Variants in WDR72 observed in about 807,000 individuals in gnomAD.
The protein encoded by WDR72 is WD repeat-containing protein 72.
A neutral mutation model predicts 124.2 loss-of-function variants in WDR72; 120 were observed. The observed-to-expected ratio is 0.97, with a 90% CI of 0.83 to 1.12. The LOEUF is 1.12. WDR72 is among the 50% of genes most tolerant of loss of function. WDR72 has a pLI of 0.00. For missense variants in WDR72, 1,387 were observed against 1,278.8 expected, an observed-to-expected ratio of 1.08 and a Z score of -1.29; for synonymous variants, 452 against 441.7, an observed-to-expected ratio of 1.02 and a Z score of -0.29.
At chr15:53,736,353 A>C (rs2018353474) in intron 1 of WDR72, among the ~76,000 whole-genome samples, 1 of 152,110 alleles carries the variant, frequency 6.6e-6, no homozygotes, top group Non-Finnish European at 1.5e-5. Context: ...GCTGCATGTA[A>C]GGTGCAGCCT....
chr15:53,565,772 A>AG (rs1234562884), intron 18 of WDR72, among the ~76,000 whole-genome samples: 1 of 151,706 alleles, frequency 6.6e-6, no homozygotes, highest in Non-Finnish European at 1.5e-5. Context: ...TGAATTAAAA[A>AG]AAAAACAGAA....
chr15:53,539,783 T>C (rs1429194456), intron 18 of WDR72, among the ~76,000 whole-genome samples: 1 of 152,116 alleles, frequency 6.6e-6, no homozygotes, highest in Admixed American at 6.5e-5. Flanking sequence ...TGTGTCTATG[T>C]ACAAACTTAC....
chr15:53,560,661 A>G (rs1894094186), intron 18 of WDR72, among the ~76,000 whole-genome samples: 1 of 151,878 alleles, frequency 6.6e-6, no homozygotes, highest in African/African-American at 2.4e-5. Context: ...ATAACTTTGG[A>G]AGTCTAGTTT....
At chr15:53,652,390 C>T (rs933074984) in intron 14 of WDR72, among the ~76,000 whole-genome samples, 1 of 152,130 alleles carries the variant, frequency 6.6e-6, no homozygotes. Context: ...GCCCTCTCTT[C>T]TCCTCTGATG....
At chr15:53,604,193 T>G (rs966979581) in intron 17 of WDR72, among the ~76,000 whole-genome samples, 4 of 152,154 alleles carry the variant, frequency 2.6e-5, no homozygotes, top group South Asian at 2.1e-4. Flanking sequence ...TAAAACTATC[T>G]GATCTTTGGT....
Position 53,575,026 on chromosome 15 carries a change from C to T in WDR72, c.3148+22053G>A, listed in dbSNP as rs80304977. On this transcript the variant is annotated intron_variant, in intron 18 of 19. Coordinates refer to ENST00000360509, the MANE Select transcript of WDR72 (RefSeq NM_182758.4). ...AACACAACACACACACACACACACA[C>T]ACACACACACACACATTTAAAATGT... Among the ~76,000 whole-genome samples the T allele has an allele frequency of 3.1e-3, 467 of 151,728 alleles. 5 individuals are homozygous for T. The highest frequency in any genetic ancestry group is 6.1e-3 in the Non-Finnish European group (413 of 67,866).
intron 18 of WDR72, among the ~76,000 whole-genome samples, chr15:53,578,176 T>C (rs963866545): frequency 1.3e-5 from 2 of 152,152 alleles, no homozygotes. Context: ...GATATAATAG[T>C]GAGCAAGTTA....
chr15:53,564,956 C>T (rs1051476843), intron 18 of WDR72, among the ~76,000 whole-genome samples: 9 of 151,796 alleles, frequency 5.9e-5, no homozygotes, highest in Non-Finnish European at 8.8e-5. Context: ...CTAATATGTC[C>T]TCCAGATAAT....
At chr15:53,668,960 A>AG (rs1364936295) in intron 13 of WDR72, among the ~76,000 whole-genome samples, 22 of 22,886 alleles carry the variant, frequency 9.6e-4, no homozygotes, top group South Asian at 7.4e-3. Context: ...GAGGAGGAGG[A>AG]GAAGGAGGAG....
At chr15:53,743,456 T>C (rs2018561680) in intron 1 of WDR72, among the ~76,000 whole-genome samples, 1 of 152,198 alleles carries the variant, frequency 6.6e-6, no homozygotes, top group Non-Finnish European at 1.5e-5. Context: ...CTACCTTTTA[T>C]AGTTAATAAA....
At chr15:53,608,339 T>TA (rs753660746) in intron 17 of WDR72, among the ~76,000 whole-genome samples, 25 of 152,056 alleles carry the variant, frequency 1.6e-4, no homozygotes, top group African/African-American at 4.8e-4. Context: ...TATTCAGTTA[T>TA]AAAAAAAATG....
intron 18 of WDR72, among the ~76,000 whole-genome samples, chr15:53,585,731 GGTGA>G (rs2140323603): frequency 6.6e-6 from 1 of 152,088 alleles, no homozygotes; most frequent in African/African-American, 2.4e-5. Flanking sequence ...GGCCAGAAAT[GGTGA>G]GGCCCTGGTA....
In WDR72 at chr15:53,523,338, G is replaced by GAGAA; in HGVS notation, c.3149-17_3149-16insTTCT. ...CTGACTGGAGCTATTAAAAGAGAGA[G>GAGAA]AGAGAGAGAGAGAGACAGAAGAGAG... On this transcript the variant is annotated splice_polypyrimidine_tract_variant and intron_variant, in intron 18 of 19. Coordinates refer to ENST00000360509, the MANE Select transcript of WDR72 (RefSeq NM_182758.4). 4.4e-6 allele frequency: 7 copies of GAGAA among 1,607,738 alleles called. No homozygotes were observed. The highest frequency in any genetic ancestry group is 6.0e-6 in the Non-Finnish European group (7 of 1,176,408).
intron 18 of WDR72, among the ~76,000 whole-genome samples, chr15:53,575,118 C>T (rs1163195406): frequency 6.6e-6 from 1 of 151,438 alleles, no homozygotes; most frequent in Non-Finnish European, 1.5e-5. Flanking sequence ...ATATATATTT[C>T]AAAAAGCAAT....
chr15:53,684,938 C>T (rs995347595), intron 13 of WDR72, among the ~76,000 whole-genome samples: 1 of 152,146 alleles, frequency 6.6e-6, no homozygotes, highest in Non-Finnish European at 1.5e-5. Context: ...AGGCACCCCC[C>T]TAGCAGGGGC....
chr15:53,681,814 T>G (rs1173848214), intron 13 of WDR72, among the ~76,000 whole-genome samples: 1 of 151,272 alleles, frequency 6.6e-6, no homozygotes, highest in Non-Finnish European at 1.5e-5. Flanking sequence ...AAAGGTGGAG[T>G]TGAATAATAT....
intron 13 of WDR72, among the ~76,000 whole-genome samples, chr15:53,691,620 CAGATAGAT>C (rs71746507): frequency 0.24 from 34,614 of 144,498 alleles, 4,330 homozygotes; most frequent in Middle Eastern, 0.28. Context: ...GACAGACAGA[CAGATAGAT>C]AGATAGATAG....
chr15:53,701,830 A>G (rs889659345), intron 12 of WDR72, among the ~76,000 whole-genome samples: 2 of 152,120 alleles, frequency 1.3e-5, no homozygotes, highest in South Asian at 2.1e-4. Flanking sequence ...GAAGATATAG[A>G]ATGAGAGGAA....
chr15:53,640,239 T>C (rs1216679510), intron 14 of WDR72, among the ~76,000 whole-genome samples: 1 of 152,158 alleles, frequency 6.6e-6, no homozygotes, highest in African/African-American at 2.4e-5. Flanking sequence ...CTTACAACAC[T>C]AGCCCATTTA....
Sources: gnomAD v4.1 joint callset for allele counts (sites outside exome capture counted in the v4.1 genomes callset) on GRCh38, gnomAD v4.1.1 for gene constraint, MANE v1.5 for transcripts, NCBI Gene and HGNC (gene_info 2026-07-23, HGNC 2026-07-21) for gene names.